The following APCDD1L variants were observed in gnomAD, a reference collection of about 807,000 sequenced individuals.
APCDD1L encodes APC down-regulated 1 like.
A neutral mutation model predicts 24.2 loss-of-function variants in APCDD1L; 21 were observed. The ratio of observed to expected loss-of-function variants is 0.87; its 90% CI spans 0.61 to 1.25. The LOEUF is 1.25. APCDD1L is among the 50% of genes most tolerant of loss of function. APCDD1L has a pLI of 0.00. For missense variants in APCDD1L, 704 were observed against 711.7 expected (o/e 0.99, Z 0.12); for synonymous variants, 321 against 323.6 (o/e 0.99, Z 0.09).
intron 1 of APCDD1L, among the ~76,000 whole-genome samples, chr20:58,512,401 G>C (rs1243309587): frequency 6.6e-6 from 1 of 152,186 alleles, no homozygotes; most frequent in Non-Finnish European, 1.5e-5. Context: ...CATATCTGGA[G>C]ACATTTTCAG....
chr20:58,463,900 G>GT (rs1555819781), intron 3 of APCDD1L, among the ~76,000 whole-genome samples: 6 of 136,868 alleles, frequency 4.4e-5, no homozygotes, highest in Non-Finnish European at 9.6e-5. Flanking sequence ...TTTTTGGGGG[G>GT]GGGGGGCGTC....
In APCDD1L at chr20:58,514,757, G is replaced by A. The variant is rs1234556715; in HGVS notation, c.-50C>T. The A allele has an allele frequency of 1.6e-6, 2 of 1,259,620 alleles. No homozygotes were observed. Among genetic ancestry groups the A allele is most frequent in the African/African-American group, 3.1e-5 (2 of 65,442 alleles). 78.0% of individuals were successfully genotyped at this position (1,259,620 alleles called of 1,614,324 possible). A position where few individuals can be genotyped will look rare whatever the true frequency, so the allele number is the denominator to read the frequency against. On this transcript the variant is annotated 5_prime_UTR_variant, in exon 1 of 4. Coordinates refer to ENST00000371149, the MANE Select transcript of APCDD1L (RefSeq NM_153360.3). Reference sequence around the variant, plus strand: ...CGCCGGGCGCTGCCACGGTGCGCAAGGGGAGGCGCGGGCGCAGGGCTCTCG... The same window carrying A: ...CGCCGGGCGCTGCCACGGTGCGCAAAGGGAGGCGCGGGCGCAGGGCTCTCG...
At chr20:58,514,592 A>G in intron 1 of APCDD1L, 67 bp downstream of exon 1, 1 of 1,274,858 alleles carries the variant, frequency 7.8e-7, no homozygotes, top group East Asian at 2.9e-5. Context: ...CTTAGGGGAC[A>G]TTAGACGGCG....
chr20:58,504,928 A>G (rs1990505465), intron 1 of APCDD1L, among the ~76,000 whole-genome samples: 1 of 152,162 alleles, frequency 6.6e-6, no homozygotes, highest in Admixed American at 6.5e-5. Flanking sequence ...CCTCTGTTAC[A>G]TTTCTAACCA....
At chr20:58,511,664 T>A (rs1290766251) in intron 1 of APCDD1L, among the ~76,000 whole-genome samples, 1 of 152,226 alleles carries the variant, frequency 6.6e-6, no homozygotes, top group Non-Finnish European at 1.5e-5. Context: ...ATTGATAATT[T>A]TTTTTGTTTG....
intron 1 of APCDD1L, among the ~76,000 whole-genome samples, chr20:58,507,130 G>C (rs777576842): frequency 6.6e-6 from 1 of 152,170 alleles, no homozygotes; most frequent in Non-Finnish European, 1.5e-5. Flanking sequence ...CTGTTCTTGA[G>C]ATAGTGAATA....
In APCDD1L at chr20:58,459,188, C is replaced by T. The variant is rs192145697; in HGVS notation, c.*1602G>A. On this transcript the variant is annotated 3_prime_UTR_variant, in exon 4 of 4. Coordinates refer to ENST00000371149, the MANE Select transcript of APCDD1L (RefSeq NM_153360.3). ...CTTCAAGCTTCGGATACAAGACCTG[C>T]TCAGCCGTGGACATATCATCGACAC... The T allele has an allele frequency of 1.1e-4, 17 of 152,308 alleles. No individual in the cohort carries two copies. The highest frequency in any genetic ancestry group is 3.9e-4 in the African/African-American group (16 of 41,540). 9.4% of individuals were successfully genotyped at this position (152,308 alleles called of 1,614,324 possible).
intron 1 of APCDD1L, among the ~76,000 whole-genome samples, chr20:58,490,377 C>G (rs570328154): frequency 6.6e-6 from 1 of 152,320 alleles, no homozygotes; most frequent in South Asian, 2.1e-4. Context: ...GCTGAGGACA[C>G]ATTCATGGTG....
chr20:58,492,279 C>T (rs935296460), intron 1 of APCDD1L, among the ~76,000 whole-genome samples: 5 of 152,208 alleles, frequency 3.3e-5, no homozygotes, highest in African/African-American at 1.2e-4. Context: ...ACATCTACAA[C>T]ACACATGACC....
At chr20:58,483,341 T>C (rs1296792242) in intron 1 of APCDD1L, among the ~76,000 whole-genome samples, 1 of 151,924 alleles carries the variant, frequency 6.6e-6, no homozygotes, top group East Asian at 1.9e-4. Context: ...GGCAGGGAGC[T>C]TGCAGGGGGT....
Position 58,460,870 on chromosome 20 carries a change from G to A in APCDD1L, c.1426C>T (p.Pro476Ser). ...PQHRPSLQKHPSTGGLHIAPF... is the reference protein window; with the variant it reads ...PQHRPSLQKHSSTGGLHIAPF... Reference sequence around the variant, plus strand: ...GCTATGTGAAGACCCCCTGTGCTGGGGTGCTTCTGCAGCGATGGCCTGTGC... The same window carrying A: ...GCTATGTGAAGACCCCCTGTGCTGGAGTGCTTCTGCAGCGATGGCCTGTGC... The change falls in exon 4 of 4, where the codon CCC becomes TCC. Residue 476 changes from proline to serine, a missense_variant. Transcript: ENST00000371149. This position sits in a 1 kb window ranked among gnomAD's most constrained non-coding sequence, Gnocchi z 4.2. 1.3e-6 allele frequency: 2 copies of A among 1,586,348 alleles called. No individual in the cohort carries two copies. The highest frequency in any genetic ancestry group is 1.3e-5 in the African/African-American group (1 of 74,346).
At chr20:58,478,045 T>C (rs1332132171) in intron 1 of APCDD1L, among the ~76,000 whole-genome samples, 1 of 152,238 alleles carries the variant, frequency 6.6e-6, no homozygotes, top group Non-Finnish European at 1.5e-5. Context: ...TTATCGGTTA[T>C]AACACATTAC....
chr20:58,512,686 G>C (rs1331115580), intron 1 of APCDD1L, among the ~76,000 whole-genome samples: 6 of 152,200 alleles, frequency 3.9e-5, no homozygotes, highest in Non-Finnish European at 1.5e-5. Flanking sequence ...AATTATGTCA[G>C]TAGCTGAAGG....
In APCDD1L at chr20:58,467,294, A is replaced by AG; in HGVS notation, c.552dup (p.Cys185LeufsTer170). The AG allele has an allele frequency of 2.6e-6, 4 of 1,543,256 alleles. No individual in the cohort carries two copies. The highest frequency in any genetic ancestry group is 3.5e-6 in the Non-Finnish European group (4 of 1,151,448). On this transcript the variant is annotated frameshift_variant, in exon 3 of 4. Coordinates refer to ENST00000371149, the MANE Select transcript of APCDD1L (RefSeq NM_153360.3). LOFTEE classifies it high-confidence loss of function. This position sits in a 1 kb window ranked among gnomAD's most constrained non-coding sequence, Gnocchi z 5.9. ...ATGGTGAGGCCCAGCGCCTCCAGGC[A>AG]GTCCCCCTGAGCCCGGGCGCTCCGC...
At chr20:58,509,415 A>C (rs979812891) in intron 1 of APCDD1L, among the ~76,000 whole-genome samples, 1 of 152,146 alleles carries the variant, frequency 6.6e-6, no homozygotes, top group African/African-American at 2.4e-5. Context: ...AATGAGTCTT[A>C]GCTATACCCC....
intron 1 of APCDD1L, among the ~76,000 whole-genome samples, chr20:58,509,378 TTTGCC>T (rs1467351977): frequency 2.6e-5 from 4 of 152,172 alleles, no homozygotes; most frequent in African/African-American, 9.7e-5. Flanking sequence ...TACCTTTAGC[TTTGCC>T]TGTCCAAGTT....
rs1352315828 is a variant in APCDD1L, at chr20:58,508,298, C to G, written c.49+6361G>C. ...TGCTTCCAGCCCAGCAGCCACTATC[C>G]TCCCTAAGAAGAAAGAGAGGTTATC... On this transcript the variant is annotated intron_variant, in intron 1 of 3. Transcript: ENST00000371149. This position sits in a 1 kb window ranked among gnomAD's most constrained non-coding sequence, Gnocchi z 4.0. 6.6e-6 allele frequency among the ~76,000 whole-genome samples: 1 copy of G among 152,156 alleles called. No homozygotes were observed. The highest frequency in any genetic ancestry group is 1.5e-5 in the Non-Finnish European group (1 of 68,038).
intron 1 of APCDD1L, among the ~76,000 whole-genome samples, chr20:58,511,920 G>A (rs1020257192): frequency 6.6e-6 from 1 of 151,860 alleles, no homozygotes; most frequent in Non-Finnish European, 1.5e-5. Flanking sequence ...ATACAAGTTC[G>A]AAAAAAAAGC....
chr20:58,513,467 C>T (rs1181925761), intron 1 of APCDD1L, among the ~76,000 whole-genome samples: 2 of 152,204 alleles, frequency 1.3e-5, no homozygotes, highest in Non-Finnish European at 2.9e-5. Context: ...GGCACCCTCC[C>T]CTGACCCTCC....
Sources: allele counts gnomAD v4.1 joint callset (sites outside exome capture counted in the v4.1 genomes callset), GRCh38; gene constraint gnomAD v4.1.1; non-coding constraint Gnocchi (gnomAD v3.1); transcripts MANE v1.5; gene names NCBI Gene and HGNC (gene_info 2026-07-23, HGNC 2026-07-21).